HABP2: variants seen among roughly 807,000 people sequenced by gnomAD.
HABP2 encodes factor VII-activating protease.
A neutral mutation model predicts 66.5 loss-of-function variants in HABP2; 65 were observed. The observed-to-expected ratio is 0.98, with a 90% confidence interval of 0.80 to 1.20. The LOEUF (loss-of-function observed/expected upper bound fraction) is 1.20. HABP2 is among the 50% of genes most tolerant of loss of function. The pLI is 0.00. For missense variants in HABP2, 786 were observed against 691.0 expected (o/e 1.14, Z -1.54); for synonymous variants, 263 against 253.9 (o/e 1.04, Z -0.34).
In HABP2 at chr10:113,575,881, T is replaced by C; in HGVS notation, c.224-16T>C. 2 of 1,487,526 alleles carry C rather than the reference T, an allele frequency of 1.3e-6. No individual in the cohort carries two copies. The highest frequency in any genetic ancestry group is 1.9e-6 in the Non-Finnish European group (2 of 1,070,686). 92.1% of individuals were successfully genotyped at this position (1,487,526 alleles called of 1,614,324 possible). ...GCCTTTCCTTACCAACATTGCCTTC[T>C]TCCTGTGTGTCTTAGATCCATGCCA... On this transcript the variant is annotated splice_polypyrimidine_tract_variant and intron_variant, in intron 3 of 12. Coordinates refer to ENST00000351270, the MANE Select transcript of HABP2 (RefSeq NM_004132.5).
At chr10:113,588,112 C>T (rs1267098797) in intron 12 of HABP2, 93 bp from the exon 13 acceptor site, 29 of 1,068,444 alleles carry the variant, frequency 2.7e-5, no homozygotes, top group Non-Finnish European at 3.9e-5. Context: ...GGGACTCCAC[C>T]CCATCCCTCC....
chr10:113,572,944 G>T (rs1485126190), intron 2 of HABP2, among the ~76,000 whole-genome samples: 1 of 152,204 alleles, frequency 6.6e-6, no homozygotes, highest in Non-Finnish European at 1.5e-5. Context: ...TTTTTCAAAA[G>T]CCAGAGAGAT....
At chr10:113,567,896 T>C (rs1246208732) in intron 2 of HABP2, among the ~76,000 whole-genome samples, 1 of 152,160 alleles carries the variant, frequency 6.6e-6, no homozygotes, top group East Asian at 1.9e-4. Flanking sequence ...AGATGAAAAA[T>C]GCATGGCTCC....
chr10:113,576,363 G>A (rs1845409284), intron 4 of HABP2, among the ~76,000 whole-genome samples: 1 of 152,166 alleles, frequency 6.6e-6, no homozygotes, highest in South Asian at 2.1e-4. Context: ...CAGGGCACAT[G>A]AGACCCAACC....
intron 2 of HABP2, among the ~76,000 whole-genome samples, chr10:113,568,285 T>A (rs2133757985): frequency 6.6e-6 from 1 of 152,322 alleles, no homozygotes; most frequent in African/African-American, 2.4e-5. Context: ...ACAACCCCAC[T>A]GGTAGAGATC....
At chr10:113,570,023 A>T (rs1269548292) in intron 2 of HABP2, 2 of 152,218 alleles carry the variant, frequency 1.3e-5, no homozygotes, top group African/African-American at 4.8e-5. Context: ...TGGTCAAGGG[A>T]CCTGGAGCAT....
intron 10 of HABP2, among the ~76,000 whole-genome samples, 158 bp downstream of exon 10, chr10:113,583,516 T>G (rs1845580087): frequency 6.6e-6 from 1 of 152,200 alleles, no homozygotes; most frequent in Non-Finnish European, 1.5e-5. Context: ...TTTTAGTTTT[T>G]GAGGGTATGT....
In HABP2 at chr10:113,561,861, A is replaced by G. The variant is rs574447388; in HGVS notation, c.70-5628A>G. 1.8e-4 allele frequency among the ~76,000 whole-genome samples: 28 copies of G among 152,322 alleles called. No homozygotes were observed. In the South Asian group the frequency reaches 5.6e-3, roughly 30 times the overall value. Reference sequence around the variant, plus strand: ...TTGAAATAATCACTGGATTAAATATAGGACAAAATAGACTTGATGTATGTG... The same window carrying G: ...TTGAAATAATCACTGGATTAAATATGGGACAAAATAGACTTGATGTATGTG... On this transcript the variant is annotated intron_variant, in intron 1 of 12. Coordinates refer to ENST00000351270, the MANE Select transcript of HABP2 (RefSeq NM_004132.5).
intron 1 of HABP2, 62 bp downstream of exon 1, chr10:113,553,252 C>A: frequency 2.5e-6 from 3 of 1,222,160 alleles, no homozygotes; most frequent in Non-Finnish European, 2.4e-6. Context: ...GAGGACCAAG[C>A]TAGGCTGGGA....
intron 9 of HABP2, among the ~76,000 whole-genome samples, chr10:113,582,740 G>A (rs1845564134): frequency 6.6e-6 from 1 of 152,202 alleles, no homozygotes; most frequent in Non-Finnish European, 1.5e-5. Flanking sequence ...CTTCTGGGGA[G>A]CTGAAGAGTC....
intron 4 of HABP2, among the ~76,000 whole-genome samples, chr10:113,576,608 T>G (rs7923349): frequency 0.69 from 105,012 of 152,010 alleles, 37,111 homozygotes; most frequent in Non-Finnish European, 0.76. Flanking sequence ...AGAAAAGCTG[T>G]ATTCGGGCTG....
In HABP2 at chr10:113,553,114, C is replaced by T. The variant is rs1844926704; in HGVS notation, c.-8C>T. ...TGAGAGGAAAACACAAGTCCTTAAA[C>T]TGCAAAGATGTTTGCCAGGATGTCT... On this transcript the variant is annotated 5_prime_UTR_variant, in exon 1 of 13. Coordinates refer to ENST00000351270, the MANE Select transcript of HABP2 (RefSeq NM_004132.5). The T allele has an allele frequency of 6.2e-7, 1 of 1,611,186 alleles. No individual in the cohort carries two copies. The highest frequency in any genetic ancestry group is 8.5e-7 in the Non-Finnish European group (1 of 1,177,414).
Position 113,583,288 on chromosome 10 carries a change from C to G in HABP2, c.1167C>G (p.Ser389Arg). Residue 389 changes from serine to arginine, a missense_variant, in exon 10 of 13, where the codon AGC (serine) becomes AGG (arginine). Transcript: ENST00000351270. ...DLKKEEFHEQ[S>R]FRVEKIFKYS... ...AGAAAGAAGAATTTCATGAGCAGAG[C>G]TTTAGGGTGGAGAAGATATTCAAGT... The G allele has an allele frequency of 6.2e-7, 1 of 1,610,898 alleles. No individual in the cohort carries two copies. Among genetic ancestry groups the G allele is most frequent in the Non-Finnish European group, 8.5e-7 (1 of 1,177,094 alleles).
At chr10:113,573,046 G>A (rs147929243) in intron 2 of HABP2, among the ~76,000 whole-genome samples, 294 of 152,312 alleles carry the variant, frequency 1.9e-3, no homozygotes, top group African/African-American at 6.2e-3. Context: ...CCATCAGCTG[G>A]CTCCGTAGGA....
At position 113,570,445 on chromosome 10, in the gene HABP2, A is replaced by C. The variant is rs145366704; in HGVS notation, c.106+2920A>C. Among the ~76,000 whole-genome samples, 69 of 152,354 alleles carry C rather than the reference A, an allele frequency of 4.5e-4. 1 individual carries two copies. Among genetic ancestry groups the C allele is most frequent in the African/African-American group, 1.6e-3 (68 of 41,594 alleles). On this transcript the variant is annotated intron_variant, in intron 2 of 12. Coordinates refer to ENST00000351270, the MANE Select transcript of HABP2 (RefSeq NM_004132.5). ...GAATTTCTTTTTATTCCTGATAGAA[A>C]ATTCTTGAACAGCTGCCCCTTTCTT...
rs528571183 is a variant in HABP2, at chr10:113,558,444, C to T, written c.69+5254C>T. ...ACATGCTAAAGGTCTGAGCCTGAAG[C>T]GGCTTTATCCTCCTTAGAGGAAAGA... On this transcript the variant is annotated intron_variant, in intron 1 of 12. Coordinates refer to ENST00000351270, the MANE Select transcript of HABP2 (RefSeq NM_004132.5). 2.2e-4 allele frequency among the ~76,000 whole-genome samples: 33 copies of T among 152,310 alleles called. 1 individual carries two copies. The highest frequency in any genetic ancestry group is 1.4e-3 in the South Asian group (7 of 4,828).
chr10:113,581,179 T>C (rs982672487), intron 8 of HABP2, among the ~76,000 whole-genome samples: 1 of 152,224 alleles, frequency 6.6e-6, no homozygotes, highest in Non-Finnish European at 1.5e-5. Context: ...GTTTCACATA[T>C]GTGCCTTTGA....
intron 2 of HABP2, among the ~76,000 whole-genome samples, chr10:113,573,310 T>C (rs1031093609): frequency 2.6e-5 from 4 of 152,210 alleles, no homozygotes; most frequent in Non-Finnish European, 5.9e-5. Flanking sequence ...CTGTTTTTTT[T>C]CCCAATGACC....
rs1252914813 is a variant in HABP2 at position 113,588,303 on chromosome 10, C to G, written c.1617C>G (p.Val539=). 1 of 1,613,452 alleles carries G rather than the reference C, an allele frequency of 6.2e-7. No individual in the cohort carries two copies. Among genetic ancestry groups the G allele is most frequent in the Admixed American group, 1.7e-5 (1 of 59,980 alleles). ...WGLECGKRPG[V]YTQVTKFLNW... ...TGGAGTGTGGGAAGAGGCCAGGGGT[C>G]TACACCCAAGTTACCAAATTCCTGA... Residue 539 remains valine (V), a synonymous_variant, in exon 13 of 13, where the codon GTC becomes GTG. Transcript: ENST00000351270.
Sources: gnomAD v4.1 joint callset for allele counts (sites outside exome capture counted in the v4.1 genomes callset) on GRCh38, gnomAD v4.1.1 for gene constraint, MANE v1.5 for transcripts, NCBI Gene and HGNC (gene_info 2026-07-23, HGNC 2026-07-21) for gene names.